HEATR4: variants seen among roughly 807,000 people sequenced by gnomAD.
The protein encoded by HEATR4 is HEAT repeat containing 4, also known as HEAT repeat-containing protein 4.
In HEATR4, 95 loss-of-function variants were observed where a neutral mutation model predicts 108.8. That is an observed-to-expected ratio of 0.87 (90% CI 0.74 to 1.04). The LOEUF is 1.04. Among genes scored for constraint, HEATR4 ranks in the 50% least tolerant of loss-of-function variants. The pLI is 0.00. For synonymous variants in HEATR4, 443 were observed against 459.4 expected (o/e 0.96, Z 0.46); for missense variants, 1,152 against 1,253.8 (o/e 0.92, Z 1.23).
In HEATR4 at chr14:73,491,981, A is replaced by G. The variant is rs141376913; in HGVS notation, c.2844+1085T>C. ...TGTGCTTCAAGAGCAGTTTGGAAGC[A>G]TGGCAGGCTCCAACGTTTACCTCAC... On this transcript the variant is annotated intron_variant, in intron 17 of 17. Transcript: ENST00000553558. The G allele has an allele frequency of 1.0e-4, 169 of 1,613,972 alleles. 1 individual carries two copies. In the East Asian group the frequency reaches 3.7e-3, roughly 35 times the overall value.
In HEATR4 at chr14:73,546,619, C is replaced by G. The variant is rs572785502; in HGVS notation, c.-152+12132G>C. Among the ~76,000 whole-genome samples the G allele has an allele frequency of 1.2e-4, 14 of 114,628 alleles. 3 individuals are homozygous for G. The highest frequency in any genetic ancestry group is 3.9e-4 in the African/African-American group (14 of 35,544). 75.2% of individuals were successfully genotyped at this position (114,628 alleles called of 152,430 possible). Reference sequence around the variant, plus strand: ...GCTCAAGCAGTCTGTCCATCTTGGCCTACCAAACTGCTTGGATTATAGGCA... The same window carrying G: ...GCTCAAGCAGTCTGTCCATCTTGGCGTACCAAACTGCTTGGATTATAGGCA... On this transcript the variant is annotated intron_variant, in intron 1 of 17. Transcript: ENST00000553558.
intron 17 of HEATR4, among the ~76,000 whole-genome samples, chr14:73,485,194 G>T (rs1209842422): frequency 6.6e-6 from 1 of 151,736 alleles, no homozygotes; most frequent in African/African-American, 2.4e-5. Context: ...GAAAAGAAAA[G>T]AAAATTATAT....
intron 17 of HEATR4, among the ~76,000 whole-genome samples, chr14:73,482,165 G>A (rs530689865): frequency 8.6e-5 from 13 of 151,736 alleles, no homozygotes; most frequent in Non-Finnish European, 1.9e-4. Flanking sequence ...GCAGGCAGAT[G>A]ACTTGAGGCC....
In HEATR4 at chr14:73,542,938, G is replaced by C. The variant is rs548487750; in HGVS notation, c.-151-12694C>G. On this transcript the variant is annotated intron_variant, in intron 1 of 17. Coordinates refer to ENST00000553558, the MANE Select transcript of HEATR4 (RefSeq NM_001220484.1). The stretch of plus-strand genomic sequence containing the variant: ...CCAAAGCTGCAAATCTGGGTAAATG[G>C]TAGAACCCAGATTCAGACTCAGGTT... 1.5e-5 allele frequency: 17 copies of C among 1,104,742 alleles called. 5 individuals carry two copies. The African/African-American group carries it at 2.7e-4, about 18-fold the overall frequency. The allele number at this position is 1,104,742 out of a possible 1,614,324, so 68.4% of individuals were successfully genotyped here.
At chr14:73,509,688 A>G (rs1389549772) in intron 7 of HEATR4, among the ~76,000 whole-genome samples, 3 of 150,660 alleles carry the variant, frequency 2.0e-5, no homozygotes, top group Non-Finnish European at 4.4e-5. Context: ...CCAATTCCCA[A>G]TCCTTTATCA....
intron 8 of HEATR4, 134 bp downstream of exon 8, chr14:73,509,178 A>G: frequency 1.1e-6 from 1 of 881,302 alleles, no homozygotes; most frequent in Non-Finnish European, 1.8e-6. Context: ...TAATTTTCAA[A>G]TGGTCTAACA....
intron 17 of HEATR4, among the ~76,000 whole-genome samples, chr14:73,488,913 C>T (rs1306923858): frequency 2.7e-5 from 4 of 148,910 alleles, no homozygotes; most frequent in African/African-American, 9.7e-5. Context: ...TCCCAGCTAC[C>T]TGGGAGGCTG....
chr14:73,613,028 G>C, the HEATR4 span: 1 of 828,976 alleles, frequency 1.2e-6, no homozygotes, highest in Non-Finnish European at 1.7e-6. Flanking sequence ...CCTGCCGCCG[G>C]ATGAGTAGTC....
chr14:73,499,947 A>C (rs1488724293), intron 12 of HEATR4, among the ~76,000 whole-genome samples: 1 of 152,136 alleles, frequency 6.6e-6, no homozygotes, highest in Non-Finnish European at 1.5e-5. Context: ...CATGAGATTT[A>C]TGCCAGGCGC....
At chr14:73,505,679 C>T (rs965880936) in intron 10 of HEATR4, among the ~76,000 whole-genome samples, 1 of 152,098 alleles carries the variant, frequency 6.6e-6, no homozygotes, top group Admixed American at 6.6e-5. Flanking sequence ...AGGTGTGAGC[C>T]ACCGTGCCCG....
Position 73,500,712 on chromosome 14 carries a change from T to C in HEATR4, c.2124A>G (p.Gly708=). The change falls in exon 12 of 18, where the codon GGA becomes GGG. Residue 708 remains glycine (G), a synonymous_variant. Coordinates refer to ENST00000553558, the MANE Select transcript of HEATR4 (RefSeq NM_001220484.1). The stretch of plus-strand genomic sequence containing the variant: ...GAGCTTCCACACGCTCCTGGGAATT[T>C]CCTTGACCTAGCTTGACCCTGTAAG... ...HDIIRVKLGQ[G]NSQERVEALY... is the part of the protein sequence containing the mutation. The C allele has an allele frequency of 6.2e-7, 1 of 1,614,000 alleles. No individual in the cohort carries two copies. The highest frequency in any genetic ancestry group is 8.5e-7 in the Non-Finnish European group (1 of 1,179,958).
At chr14:73,560,385 C>T (rs1373323149), upstream of HEATR4, among the ~76,000 whole-genome samples, 1 of 152,064 alleles carries the variant, frequency 6.6e-6, no homozygotes, top group Non-Finnish European at 1.5e-5. Context: ...AAGACTGAGC[C>T]AGGCGCTGTG....
rs34660727 is a variant in HEATR4 at position 73,506,804 on chromosome 14, G to GTTTTTTTTTTTTTTTTTTTTT, written c.1882-254_1882-234dup. On this transcript the variant is annotated intron_variant, in intron 9 of 17. Coordinates refer to ENST00000553558, the MANE Select transcript of HEATR4 (RefSeq NM_001220484.1). The stretch of plus-strand genomic sequence containing the variant: ...GGACCTTCCTTTCCTGACTTTAACT[G>GTTTTTTTTTTTTTTTTTTTTT]TTTTTTTTTTTTTTTTTTTTTCTGA... 2.9e-3 allele frequency among the ~76,000 whole-genome samples: 233 copies of GTTTTTTTTTTTTTTTTTTTTT among 80,476 alleles called. 38 individuals carry two copies. Among genetic ancestry groups the GTTTTTTTTTTTTTTTTTTTTT allele is most frequent in the East Asian group, 0.013 (23 of 1,738 alleles). The allele number at this position is 80,476 out of a possible 152,430, so 52.8% of individuals were successfully genotyped here. A position where few individuals can be genotyped will look rare whatever the true frequency, so the allele number is the denominator to read the frequency against.
At chr14:73,613,315 C>G in the HEATR4 span, among the ~76,000 whole-genome samples, 1 of 152,034 alleles carries the variant, frequency 6.6e-6, no homozygotes. Context: ...CCTGGAGGCA[C>G]CACCACTTTA....
the HEATR4 span, among the ~76,000 whole-genome samples, chr14:73,620,888 C>T: frequency 6.6e-6 from 1 of 151,508 alleles, no homozygotes; most frequent in Non-Finnish European, 1.5e-5. Flanking sequence ...CTTGCCCATA[C>T]ACATTGCTGA....
the HEATR4 span, among the ~76,000 whole-genome samples, chr14:73,624,801 A>C: frequency 2.4e-4 from 36 of 152,334 alleles, no homozygotes; most frequent in African/African-American, 8.4e-4. Flanking sequence ...GGGCGTAATA[A>C]TAGTAACTAC....
At chr14:73,533,642 G>A (rs1188724527) in intron 1 of HEATR4, among the ~76,000 whole-genome samples, 1 of 114,744 alleles carries the variant, frequency 8.7e-6, no homozygotes, top group African/African-American at 2.8e-5. Flanking sequence ...CCGCGCCACT[G>A]CACTCCAGCC....
chr14:73,561,549 T>G (rs1231324437), upstream of HEATR4, among the ~76,000 whole-genome samples: 1 of 151,582 alleles, frequency 6.6e-6, no homozygotes, highest in Non-Finnish European at 1.5e-5. Flanking sequence ...TAGCTGGGCA[T>G]GGTGGCACAC....
intron 17 of HEATR4, among the ~76,000 whole-genome samples, chr14:73,483,276 G>A (rs1885323735): frequency 6.6e-6 from 1 of 152,210 alleles, no homozygotes; most frequent in South Asian, 2.1e-4. Flanking sequence ...AATATAGACA[G>A]TCTTCTAGTC....
Sources: gnomAD v4.1 joint callset for allele counts (sites outside exome capture counted in the v4.1 genomes callset) on GRCh38, gnomAD v4.1.1 for gene constraint, MANE v1.5 for transcripts, NCBI Gene and HGNC (gene_info 2026-07-23, HGNC 2026-07-21) for gene names.